ST7: variants seen among roughly 807,000 people sequenced by gnomAD.
ST7 encodes suppressor of tumorigenicity 7 protein.
A neutral mutation model predicts 78.7 loss-of-function variants in ST7; 28 were observed. That is an observed-to-expected ratio of 0.36 (90% CI 0.26 to 0.49). The LOEUF is 0.49. ST7 is among the 20% of genes least tolerant of loss of function. ST7 has a pLI of 0.99. For synonymous variants in ST7, 247 were observed against 249.6 expected (o/e 0.99, Z 0.10); for missense variants, 418 against 696.0 (o/e 0.60, Z 4.49).
At chr7:116,975,382 AT>A (rs1386173620) in intron 1 of ST7, among the ~76,000 whole-genome samples, 3 of 152,100 alleles carry the variant, frequency 2.0e-5, no homozygotes, top group African/African-American at 7.2e-5. Flanking sequence ...CAGCCAAACC[AT>A]ATCAGATATT....
At chr7:117,062,813 G>A (rs575453184) in intron 1 of ST7, among the ~76,000 whole-genome samples, 79 of 152,286 alleles carry the variant, frequency 5.2e-4, no homozygotes, top group Non-Finnish European at 6.5e-4. Flanking sequence ...AACTTGGCTA[G>A]CACTCCTGTG....
chr7:117,136,251 G>T lies in ST7; in HGVS notation c.865+16G>T. The T allele has an allele frequency of 6.2e-7, 1 of 1,613,552 alleles. No homozygotes were observed. Among genetic ancestry groups the T allele is most frequent in the Non-Finnish European group, 8.5e-7 (1 of 1,179,654 alleles). ...GCCCAACATAGTAAGGTTTCCTGCA[G>T]GTTGATGCATTGGGGGATCAGAATT... On this transcript the variant is annotated intron_variant, in intron 8 of 15. Coordinates refer to ENST00000323984, the MANE Select transcript of ST7 (RefSeq NM_001369598.1).
At chr7:116,966,256 T>C (rs1364964758) in intron 1 of ST7, 2 of 290,862 alleles carry the variant, frequency 6.9e-6, no homozygotes, top group African/African-American at 4.6e-5. Flanking sequence ...TCTTTTTTTT[T>C]TTTTTTTTTT....
chr7:117,129,948 C>CCAT, intron 4 of ST7, 101 bp downstream of exon 4: 3 of 791,592 alleles, frequency 3.8e-6, no homozygotes, highest in Non-Finnish European at 6.1e-6. Flanking sequence ...TTGTAACAGT[C>CCAT]TATGTAGTGC....
At chr7:117,075,003 T>C (rs1441987442) in intron 1 of ST7, among the ~76,000 whole-genome samples, 1 of 152,246 alleles carries the variant, frequency 6.6e-6, no homozygotes, top group East Asian at 1.9e-4. Context: ...TTTTGGGTGC[T>C]GTTCATTCTT....
intron 3 of ST7, among the ~76,000 whole-genome samples, chr7:117,120,333 T>C (rs754954388): frequency 6.6e-5 from 10 of 152,212 alleles, no homozygotes; most frequent in Non-Finnish European, 1.5e-4. Flanking sequence ...CCACAGTGAA[T>C]AGATTCATTT....
chr7:117,115,284 G>A (rs1305697484), intron 2 of ST7, among the ~76,000 whole-genome samples: 2 of 151,634 alleles, frequency 1.3e-5, no homozygotes, highest in Non-Finnish European at 2.9e-5. Flanking sequence ...AAAATAGAAT[G>A]TCTCCCCCTA....
intron 1 of ST7, among the ~76,000 whole-genome samples, chr7:116,984,002 A>G (rs1351015663): frequency 6.6e-6 from 1 of 152,118 alleles, no homozygotes. Flanking sequence ...CGATCAAATT[A>G]TGTGAAGATG....
At chr7:117,133,329 G>A (rs1442921396) in intron 6 of ST7, among the ~76,000 whole-genome samples, 2 of 151,672 alleles carry the variant, frequency 1.3e-5, no homozygotes, top group African/African-American at 4.8e-5. Flanking sequence ...AGGTCTTTCG[G>A]TTTCCTGGGA....
At chr7:117,118,643 CTG>C (rs1019208868) in intron 2 of ST7, among the ~76,000 whole-genome samples, 1 of 152,096 alleles carries the variant, frequency 6.6e-6, no homozygotes, top group Non-Finnish European at 1.5e-5. Flanking sequence ...TAAATTTCTT[CTG>C]TGGAATGATT....
chr7:116,971,702 T>G (rs944683149), intron 1 of ST7, among the ~76,000 whole-genome samples: 2 of 152,182 alleles, frequency 1.3e-5, no homozygotes, highest in Non-Finnish European at 2.9e-5. Context: ...CCCTGGGCTC[T>G]GTTTGGCTCT....
chr7:117,143,670 T>A (rs1805513456), intron 9 of ST7, among the ~76,000 whole-genome samples: 1 of 152,204 alleles, frequency 6.6e-6, no homozygotes, highest in Admixed American at 6.5e-5. Flanking sequence ...TCTGAGAGTG[T>A]GGTCTACAAC....
At chr7:117,171,935 A>G (rs1206704326) in intron 10 of ST7, among the ~76,000 whole-genome samples, 2 of 147,516 alleles carry the variant, frequency 1.4e-5, no homozygotes, top group Admixed American at 6.8e-5. Context: ...AGCAAACTAT[A>G]CCATTTGGGT....
intron 1 of ST7, among the ~76,000 whole-genome samples, chr7:117,046,916 C>A (rs1197492835): frequency 6.6e-6 from 1 of 152,156 alleles, no homozygotes; most frequent in Non-Finnish European, 1.5e-5. Context: ...AAATTATTTA[C>A]CTCTCTGAGC....
chr7:116,956,831 A>C, intron 1 of ST7: 1 of 361,636 alleles, frequency 2.8e-6, no homozygotes, highest in South Asian at 2.1e-5. Flanking sequence ...AGGGTAAATA[A>C]GGAGTTTACT....
intron 1 of ST7, among the ~76,000 whole-genome samples, chr7:117,083,253 TTTTGTTTGTTTG>T (rs1032711589): frequency 6.6e-6 from 1 of 151,852 alleles, no homozygotes; most frequent in Non-Finnish European, 1.5e-5. Context: ...ATATATATAT[TTTTGTTTGTTTG>T]TTTGTTTTTT....
chr7:117,065,278 C>T (rs528129013), intron 1 of ST7, among the ~76,000 whole-genome samples: 4 of 150,142 alleles, frequency 2.7e-5, no homozygotes, highest in East Asian at 3.9e-4. Context: ...GCACGATCTC[C>T]GCTCACTGCA....
chr7:116,999,660 A>G (rs1170621767), intron 1 of ST7, among the ~76,000 whole-genome samples: 2 of 152,188 alleles, frequency 1.3e-5, no homozygotes, highest in African/African-American at 2.4e-5. Context: ...TCATGTTCCT[A>G]GTATCATTTC....
chr7:117,193,896 C>T (rs1810027681), intron 12 of ST7, among the ~76,000 whole-genome samples: 1 of 152,124 alleles, frequency 6.6e-6, no homozygotes, highest in Non-Finnish European at 1.5e-5. Flanking sequence ...ATCTGGTATC[C>T]CATTAAGCAA....
Sources: allele counts gnomAD v4.1 joint callset (sites outside exome capture counted in the v4.1 genomes callset), GRCh38; gene constraint gnomAD v4.1.1; transcripts MANE v1.5; gene names NCBI Gene and HGNC (gene_info 2026-07-23, HGNC 2026-07-21).